PTPA: variants seen among roughly 807,000 people sequenced by gnomAD.
The protein encoded by PTPA is protein phosphatase 2 phosphatase activator, also known as serine/threonine-protein phosphatase 2A activator.
Under a neutral mutation model 43.6 loss-of-function variants are expected in PTPA, and 13 were observed. That is an observed-to-expected ratio of 0.30 (90% CI 0.19 to 0.47). PTPA has a LOEUF of 0.47. Ranked by LOEUF, PTPA falls within the 20% of genes least tolerant of loss-of-function variation. PTPA has a pLI of 0.99. For synonymous variants in PTPA, 172 were observed against 158.2 expected, an observed-to-expected ratio of 1.09 and a Z score of -0.66; for missense variants, 329 against 411.9, an observed-to-expected ratio of 0.80 and a Z score of 1.74.
chr9:129,126,916 C>T (rs1263538736), intron 3 of PTPA, among the ~76,000 whole-genome samples: 1 of 152,134 alleles, frequency 6.6e-6, no homozygotes, highest in Non-Finnish European at 1.5e-5. Flanking sequence ...TCTTCTCTGT[C>T]CCCTTCAGTG....
intron 3 of PTPA, among the ~76,000 whole-genome samples, 187 bp from the exon 4 acceptor site, chr9:129,128,798 G>T (rs945364034): frequency 5.9e-5 from 9 of 152,252 alleles, no homozygotes; most frequent in Admixed American, 2.6e-4. Context: ...TTCCCTCTCT[G>T]GAAAGCCTAT....
intron 5 of PTPA, among the ~76,000 whole-genome samples, chr9:129,133,667 T>C (rs1265661567): frequency 1.3e-5 from 2 of 152,230 alleles, no homozygotes; most frequent in Non-Finnish European, 2.9e-5. Flanking sequence ...TTTTTCACCC[T>C]GTAATCTGAT....
chr9:129,147,548 C>T lies in PTPA; in HGVS notation c.*84C>T, dbSNP rs950036045. ...CAGCAGTGGCCCCTCCCCATCCCCT[C>T]CCTCTGTTCGTCCCGTTTGATGAGA... On this transcript the variant is annotated 3_prime_UTR_variant, in exon 10 of 10. Coordinates refer to ENST00000393370, the MANE Select transcript of PTPA (RefSeq NM_178000.3). The T allele has an allele frequency of 2.1e-6, 3 of 1,397,032 alleles. No individual in the cohort carries two copies. The African/African-American group carries it at 4.3e-5, about 20-fold the overall frequency. 86.5% of individuals were successfully genotyped at this position (1,397,032 alleles called of 1,614,324 possible).
At chr9:129,136,247 G>A (rs1180713707) in intron 6 of PTPA, among the ~76,000 whole-genome samples, 1 of 152,182 alleles carries the variant, frequency 6.6e-6, no homozygotes, top group Non-Finnish European at 1.5e-5. Flanking sequence ...GATTACAGGC[G>A]TGAGCCACCG....
Sources: allele counts gnomAD v4.1 joint callset (sites outside exome capture counted in the v4.1 genomes callset), GRCh38; gene constraint gnomAD v4.1.1; transcripts MANE v1.5; gene names NCBI Gene and HGNC (gene_info 2026-07-23, HGNC 2026-07-21).